The following OSBPL1A variants were observed in gnomAD, a reference collection of about 807,000 sequenced individuals.
The protein encoded by OSBPL1A is oxysterol-binding protein-related protein 1.
Under a neutral mutation model 137.1 loss-of-function variants are expected in OSBPL1A, and 80 were observed. The ratio of observed to expected loss-of-function variants is 0.58; its 90% CI spans 0.49 to 0.70. The LOEUF is 0.70. OSBPL1A is among the 30% of genes least tolerant of loss of function. OSBPL1A has a pLI of 0.00. For missense variants in OSBPL1A, 970 were observed against 1,129.4 expected (o/e 0.86, Z 2.02); for synonymous variants, 365 against 389.7 (o/e 0.94, Z 0.75).
At chr18:24,272,996 C>G (rs1282812957) in intron 15 of OSBPL1A, among the ~76,000 whole-genome samples, 1 of 152,196 alleles carries the variant, frequency 6.6e-6, no homozygotes, top group Non-Finnish European at 1.5e-5. Flanking sequence ...ACCTCCACCT[C>G]CTGGGTTCAA....
chr18:24,253,334 C>T (rs913649965), intron 15 of OSBPL1A, among the ~76,000 whole-genome samples: 9 of 152,108 alleles, frequency 5.9e-5, no homozygotes, highest in Admixed American at 1.3e-4. Context: ...ATAATTATAT[C>T]AGACAAAACA....
chr18:24,315,623 T>A (rs1434158709), intron 11 of OSBPL1A, among the ~76,000 whole-genome samples: 3 of 84,160 alleles, frequency 3.6e-5, no homozygotes, highest in African/African-American at 1.1e-4. Flanking sequence ...CATAATATAA[T>A]TAATTATATA....
At chr18:24,366,789 G>T in intron 4 of OSBPL1A, 103 bp downstream of exon 4, 11 of 1,142,912 alleles carry the variant, frequency 9.6e-6, no homozygotes, top group Admixed American at 7.7e-5. Flanking sequence ...TTTTTTGTGT[G>T]GCTTTCTTCG....
intron 4 of OSBPL1A, among the ~76,000 whole-genome samples, chr18:24,362,829 T>C (rs760968524): frequency 7.9e-5 from 12 of 152,334 alleles, no homozygotes; most frequent in Non-Finnish European, 1.5e-4. Flanking sequence ...CTAACCATTT[T>C]GTGGTGCTGG....
In OSBPL1A at chr18:24,308,378, TA is replaced by T. The variant is rs528492523; in HGVS notation, c.1092+3605del. Among the ~76,000 whole-genome samples the T allele has an allele frequency of 2.8e-3, 389 of 141,178 alleles. 1 individual carries two copies. The highest frequency in any genetic ancestry group is 3.6e-3 in the Middle Eastern group (1 of 280). The allele number at this position is 141,178 out of a possible 152,430, so 92.6% of individuals were successfully genotyped here. A position where few individuals can be genotyped will look rare whatever the true frequency, so the allele number is the denominator to read the frequency against. ...CTTGCTGCAGCCTCAGCCTCAAAAT[TA>T]AAAAAAAAAAAAAAATTTGTTTTTA... On this transcript the variant is annotated intron_variant, in intron 13 of 27. Transcript: ENST00000319481.
chr18:24,364,523 A>G (rs2091673930), intron 4 of OSBPL1A, among the ~76,000 whole-genome samples: 2 of 152,224 alleles, frequency 1.3e-5, no homozygotes, highest in Non-Finnish European at 2.9e-5. Context: ...CAAGAGGCTG[A>G]GGTAGGAAGA....
intron 7 of OSBPL1A, among the ~76,000 whole-genome samples, chr18:24,322,698 A>C (rs894106197): frequency 7.2e-5 from 11 of 152,180 alleles, no homozygotes; most frequent in Non-Finnish European, 1.6e-4. Context: ...CTTTCATAGA[A>C]TTCTGCCCTA....
chr18:24,222,767 T>C (rs1207797498), intron 17 of OSBPL1A, among the ~76,000 whole-genome samples: 1 of 152,060 alleles, frequency 6.6e-6, no homozygotes, highest in Non-Finnish European at 1.5e-5. Flanking sequence ...CTATGTGAAC[T>C]ACAATTTATA....
At chr18:24,179,715 A>G in intron 20 of OSBPL1A, 23 bp downstream of exon 20, 1 of 1,585,290 alleles carries the variant, frequency 6.3e-7, no homozygotes. Context: ...CGCTGTATAA[A>G]GCATGCAAGT....
intron 4 of OSBPL1A, among the ~76,000 whole-genome samples, chr18:24,362,426 C>T (rs185813341): frequency 1.2e-3 from 179 of 152,212 alleles, no homozygotes; most frequent in African/African-American, 4.1e-3. Context: ...AATTTATGAA[C>T]AAATAGACAA....
At chr18:24,363,552 T>G (rs1020529717) in intron 4 of OSBPL1A, among the ~76,000 whole-genome samples, 8 of 151,674 alleles carry the variant, frequency 5.3e-5, no homozygotes, top group Admixed American at 1.3e-4. Flanking sequence ...GTTCAAGTGA[T>G]TCTCCTGCCT....
chr18:24,289,776 C>T (rs2090142959), intron 14 of OSBPL1A, among the ~76,000 whole-genome samples: 2 of 152,080 alleles, frequency 1.3e-5, no homozygotes, highest in African/African-American at 4.8e-5. Flanking sequence ...AATGCTAACT[C>T]TGGTTTTTAC....
intron 4 of OSBPL1A, among the ~76,000 whole-genome samples, chr18:24,350,099 T>C (rs946143851): frequency 1.6e-4 from 25 of 152,308 alleles, no homozygotes; most frequent in African/African-American, 6.0e-4. Context: ...AAAGACTACA[T>C]TTCCTCGCTC....
At chr18:24,353,754 T>C (rs2091485387) in intron 4 of OSBPL1A, among the ~76,000 whole-genome samples, 2 of 151,976 alleles carry the variant, frequency 1.3e-5, no homozygotes, top group Admixed American at 6.6e-5. Context: ...AATGATGAGT[T>C]CATGTCCTTC....
chr18:24,352,018 G>A (rs2091448904), intron 4 of OSBPL1A, among the ~76,000 whole-genome samples: 1 of 152,106 alleles, frequency 6.6e-6, no homozygotes, highest in African/African-American at 2.4e-5. Context: ...ATTAAGAATG[G>A]GAGAAACAGG....
At chr18:24,207,640 T>C (rs772885048) in intron 17 of OSBPL1A, among the ~76,000 whole-genome samples, 3 of 152,204 alleles carry the variant, frequency 2.0e-5, no homozygotes, top group African/African-American at 4.8e-5. Context: ...AACTACAACA[T>C]TGACAATCTG....
chr18:24,332,025 A>C lies in OSBPL1A; in HGVS notation c.625+917T>G, dbSNP rs567328118. Among the ~76,000 whole-genome samples, 5 of 152,112 alleles carry C rather than the reference A, an allele frequency of 3.3e-5. No homozygotes were observed. The East Asian group carries it at 9.7e-4, about 30-fold the overall frequency. On this transcript the variant is annotated intron_variant, in intron 7 of 27. Transcript: ENST00000319481. ...TAAACAAATGTCCTCGTCATGGTCT[A>C]TTTAGGGTCACACTTTCCACCTTTT... is the stretch of plus-strand genomic sequence containing the variant.
At chr18:24,303,193 G>T (rs989196740) in intron 14 of OSBPL1A, among the ~76,000 whole-genome samples, 2 of 152,086 alleles carry the variant, frequency 1.3e-5, no homozygotes, top group African/African-American at 2.4e-5. Context: ...TAGAGACAGG[G>T]TTTCACCATG....
chr18:24,163,801 C>T (rs1298130314), intron 27 of OSBPL1A, among the ~76,000 whole-genome samples: 1 of 151,872 alleles, frequency 6.6e-6, no homozygotes, highest in Non-Finnish European at 1.5e-5. Flanking sequence ...GGTGCACTCT[C>T]AGCTCACTGC....
Sources: allele counts gnomAD v4.1 joint callset (sites outside exome capture counted in the v4.1 genomes callset), GRCh38; gene constraint gnomAD v4.1.1; transcripts MANE v1.5; gene names NCBI Gene and HGNC (gene_info 2026-07-23, HGNC 2026-07-21).